MMP24: variants seen among roughly 807,000 people sequenced by gnomAD.
MMP24 encodes matrix metalloproteinase-24.
In MMP24, 25 loss-of-function variants were observed where a neutral mutation model predicts 62.8. The ratio of observed to expected loss-of-function variants is 0.40; its 90% CI spans 0.29 to 0.56. The LOEUF (loss-of-function observed/expected upper bound fraction) is 0.56, where lower values mean the gene tolerates loss of function less well. Among genes scored for constraint, MMP24 ranks in the 20% least tolerant of loss-of-function variants. The pLI is 0.50. For missense variants in MMP24, 634 were observed against 853.6 expected (o/e 0.74, Z 3.21); for synonymous variants, 319 against 350.5 (o/e 0.91, Z 1.00).
At chr20:35,260,381 G>T (rs1039550644) in intron 4 of MMP24, among the ~76,000 whole-genome samples, 2 of 152,234 alleles carry the variant, frequency 1.3e-5, no homozygotes, top group African/African-American at 4.8e-5. Flanking sequence ...AAGAGACAAG[G>T]CTGCGGACAA....
At chr20:35,259,360 C>T (rs1338790527) in intron 4 of MMP24, among the ~76,000 whole-genome samples, 5 of 152,122 alleles carry the variant, frequency 3.3e-5, no homozygotes, top group Non-Finnish European at 5.9e-5. Context: ...TGTTCCATTC[C>T]GGGGGCTGTC....
At chr20:35,230,335 G>T (rs1600769158) in intron 1 of MMP24, among the ~76,000 whole-genome samples, 1 of 152,168 alleles carries the variant, frequency 6.6e-6, no homozygotes, top group Non-Finnish European at 1.5e-5. Context: ...GGAGAGGAAG[G>T]TTGGTTCTTA....
chr20:35,274,229 C>T lies in MMP24; in HGVS notation c.1601-43C>T. On this transcript the variant is annotated intron_variant, in intron 8 of 8. Coordinates refer to ENST00000246186, the MANE Select transcript of MMP24 (RefSeq NM_006690.4). This position sits in a 1 kb window ranked among gnomAD's most constrained non-coding sequence, Gnocchi z 5.1. The stretch of plus-strand genomic sequence containing the variant: ...TTTCACACTGCCCCAGAGCAGGTGC[C>T]GGAAGTGTCTGGGAGTGGTGATGCT... 6 of 1,542,846 alleles carry T rather than the reference C, an allele frequency of 3.9e-6. No homozygotes were observed. The highest frequency in any genetic ancestry group is 5.3e-6 in the Non-Finnish European group (6 of 1,139,534).
chr20:35,257,880 G>C (rs1057387251), intron 4 of MMP24, among the ~76,000 whole-genome samples: 1 of 152,162 alleles, frequency 6.6e-6, no homozygotes, highest in Non-Finnish European at 1.5e-5. Flanking sequence ...CACAGCAATC[G>C]ACTCCTGAAC....
chr20:35,246,026 G>T (rs2060512693), intron 1 of MMP24, among the ~76,000 whole-genome samples: 1 of 151,246 alleles, frequency 6.6e-6, no homozygotes, highest in Non-Finnish European at 1.5e-5. Context: ...CTTTTTTGGG[G>T]GGTAGCAATA....
At chr20:35,266,580 C>T (rs1024939587) in intron 5 of MMP24, among the ~76,000 whole-genome samples, 1 of 151,926 alleles carries the variant, frequency 6.6e-6, no homozygotes, top group African/African-American at 2.4e-5. Flanking sequence ...AAGAACAGCC[C>T]ATGAGGCAGG....
intron 4 of MMP24, among the ~76,000 whole-genome samples, chr20:35,262,373 G>A (rs909190461): frequency 1.3e-5 from 2 of 150,598 alleles, no homozygotes; most frequent in Non-Finnish European, 2.9e-5. Flanking sequence ...AGGGTCAGCA[G>A]ACAAACACGT....
In MMP24 at chr20:35,271,294, G is replaced by T. The variant is rs143405012; in HGVS notation, c.1334-275G>T. 6.6e-6 allele frequency among the ~76,000 whole-genome samples: 1 copy of T among 152,158 alleles called. No individual in the cohort carries two copies. The highest frequency in any genetic ancestry group is 2.4e-5 in the African/African-American group (1 of 41,448). Reference sequence around the variant, plus strand: ...GGGTGTCACTGGTAGCAGGTTTGGGGAGTGGTAGTGCATATGCAAAGTCAT... The same window carrying T: ...GGGTGTCACTGGTAGCAGGTTTGGGTAGTGGTAGTGCATATGCAAAGTCAT... On this transcript the variant is annotated intron_variant, in intron 7 of 8. Coordinates refer to ENST00000246186, the MANE Select transcript of MMP24 (RefSeq NM_006690.4). This position sits in a 1 kb window ranked among gnomAD's most constrained non-coding sequence, Gnocchi z 4.0.
intron 2 of MMP24, among the ~76,000 whole-genome samples, chr20:35,247,323 C>T (rs1043975067): frequency 5.3e-5 from 8 of 152,316 alleles, no homozygotes; most frequent in Middle Eastern, 3.4e-3. Flanking sequence ...CTCTGGAGTT[C>T]CCTGCAACGT....
intron 4 of MMP24, among the ~76,000 whole-genome samples, chr20:35,260,609 G>C (rs560689827): frequency 7.6e-4 from 116 of 152,362 alleles, no homozygotes; most frequent in Admixed American, 3.8e-3. Context: ...GGAGCTCAGC[G>C]ATGAGCTCAC....
intron 1 of MMP24, among the ~76,000 whole-genome samples, chr20:35,234,813 T>C (rs1172985502): frequency 6.6e-6 from 1 of 152,052 alleles, no homozygotes; most frequent in Admixed American, 6.6e-5. Context: ...AGGCTGAGGC[T>C]GGAGGATTGC....
intron 2 of MMP24, among the ~76,000 whole-genome samples, chr20:35,247,681 G>T (rs1283131092): frequency 6.6e-6 from 1 of 152,180 alleles, no homozygotes; most frequent in Non-Finnish European, 1.5e-5. Flanking sequence ...GAAGCCTGAC[G>T]TGATGATGTG....
At chr20:35,262,400 A>G (rs2060608586) in intron 4 of MMP24, among the ~76,000 whole-genome samples, 1 of 151,780 alleles carries the variant, frequency 6.6e-6, no homozygotes, top group Non-Finnish European at 1.5e-5. Flanking sequence ...AGGTCTTTGC[A>G]TCATAGAGAA....
At chr20:35,232,711 G>A (rs1257772373) in intron 1 of MMP24, among the ~76,000 whole-genome samples, 1 of 152,236 alleles carries the variant, frequency 6.6e-6, no homozygotes, top group Non-Finnish European at 1.5e-5. Flanking sequence ...ATAATTTGAT[G>A]TGCCTGAATC....
chr20:35,270,435 A>G lies in MMP24; in HGVS notation c.1333+537A>G, dbSNP rs534733685. 1.1e-4 allele frequency among the ~76,000 whole-genome samples: 17 copies of G among 152,370 alleles called. No individual in the cohort carries two copies. The South Asian group carries it at 3.5e-3, about 32-fold the overall frequency. On this transcript the variant is annotated intron_variant, in intron 7 of 8. Coordinates refer to ENST00000246186, the MANE Select transcript of MMP24 (RefSeq NM_006690.4). ...CCACAGGGCTTAGAAGGCCCACCTG[A>G]TGGCCACGGAGGCCCCGCCTTGGAA...
chr20:35,276,177 C>G lies in MMP24; in HGVS notation c.*1568C>G, dbSNP rs1391528098. ...TTACCCTGTAGCACAGACAGGGACT[C>G]CTGCTGCCCTGGGAGCTGTCTCAAG... On this transcript the variant is annotated 3_prime_UTR_variant, in exon 9 of 9. Coordinates refer to ENST00000246186, the MANE Select transcript of MMP24 (RefSeq NM_006690.4). The G allele has an allele frequency of 1.5e-5, 6 of 398,626 alleles. No homozygotes were observed. The highest frequency in any genetic ancestry group is 2.7e-5 in the Non-Finnish European group (6 of 226,108). The allele number at this position is 398,626 out of a possible 1,614,324, so 24.7% of individuals were successfully genotyped here. A position where few individuals can be genotyped will look rare whatever the true frequency, so the allele number is the denominator to read the frequency against.
intron 1 of MMP24, among the ~76,000 whole-genome samples, chr20:35,236,717 T>C (rs1447915292): frequency 3.9e-5 from 6 of 152,256 alleles, no homozygotes; most frequent in Middle Eastern, 6.8e-3. Context: ...CTCACACCTG[T>C]AATCCCAGCA....
chr20:35,240,306 C>T (rs1699749002), intron 1 of MMP24, among the ~76,000 whole-genome samples: 2 of 152,088 alleles, frequency 1.3e-5, no homozygotes, highest in Admixed American at 6.6e-5. Flanking sequence ...GCCGGCAGAC[C>T]AGTCACACCA....
chr20:35,250,104 C>T (rs1035567864), intron 2 of MMP24, among the ~76,000 whole-genome samples: 28 of 152,090 alleles, frequency 1.8e-4, no homozygotes, highest in African/African-American at 6.8e-4. Flanking sequence ...AGGCACATGC[C>T]ACCATGCCTG....
Sources: allele counts gnomAD v4.1 joint callset (sites outside exome capture counted in the v4.1 genomes callset), GRCh38; gene constraint gnomAD v4.1.1; non-coding constraint Gnocchi (gnomAD v3.1); transcripts MANE v1.5; gene names NCBI Gene and HGNC (gene_info 2026-07-23, HGNC 2026-07-21).